The following TBC1D4 variants were observed in gnomAD, a reference collection of about 807,000 sequenced individuals.
The protein encoded by TBC1D4 is TBC1 domain family member 4, also known as TBC (Tre-2, BUB2, CDC16) domain-containing protein.
In TBC1D4, 121 loss-of-function variants were observed where a neutral mutation model predicts 142.5. The ratio of observed to expected loss-of-function variants is 0.85; its 90% CI spans 0.73 to 0.99. TBC1D4 has a LOEUF of 0.99. TBC1D4 is among the 50% of genes least tolerant of loss of function. The probability of loss-of-function intolerance (pLI) is 0.00; values close to 1 mark genes in which losing one functional copy is unlikely to be tolerated. For missense variants in TBC1D4, 1,475 were observed against 1,606.6 expected (o/e 0.92, Z 1.40); for synonymous variants, 630 against 628.2 (o/e 1.00, Z -0.04).
Position 75,284,717 on chromosome 13 carries a change from T to C in TBC1D4, c.*2075A>G, listed in dbSNP as rs1874517317. On this transcript the variant is annotated 3_prime_UTR_variant, in exon 21 of 21. Transcript: ENST00000377636. Reference sequence around the variant, plus strand: ...TATTGCAAAGGAACTAGACATTACATTAACCTGATGAAGATGTAACGATGC... The same window carrying C: ...TATTGCAAAGGAACTAGACATTACACTAACCTGATGAAGATGTAACGATGC... The C allele has an allele frequency of 6.6e-6, 1 of 152,234 alleles. No individual in the cohort carries two copies. The highest frequency in any genetic ancestry group is 1.5e-5 in the Non-Finnish European group (1 of 68,044). 9.4% of individuals were successfully genotyped at this position (152,234 alleles called of 1,614,324 possible). A position where few individuals can be genotyped will look rare whatever the true frequency, so the allele number is the denominator to read the frequency against.
chr13:75,328,977 T>C (rs900487348), intron 8 of TBC1D4, among the ~76,000 whole-genome samples: 5 of 152,176 alleles, frequency 3.3e-5, no homozygotes, highest in Admixed American at 6.6e-5. Context: ...AAATTATTTA[T>C]ATTGATATTT....
At chr13:75,339,227 G>A (rs2138067149) in intron 7 of TBC1D4, among the ~76,000 whole-genome samples, 1 of 152,212 alleles carries the variant, frequency 6.6e-6, no homozygotes, top group Non-Finnish European at 1.5e-5. Flanking sequence ...AAAGATTTGT[G>A]CAATAATTAA....
rs1882950088 is a variant in TBC1D4, at chr13:75,366,980, G to A, written c.499-4373C>T. ...AGAGCAATGATTTTGCCAAACTGGT[G>A]TAGTCCTCAGTATTAGCTCTAAGTT... On this transcript the variant is annotated intron_variant, in intron 1 of 20. Coordinates refer to ENST00000377636, the MANE Select transcript of TBC1D4 (RefSeq NM_014832.5). The A allele has an allele frequency of 6.1e-6, 6 of 985,404 alleles. No homozygotes were observed. The South Asian group carries it at 2.3e-4, about 39-fold the overall frequency. The allele number at this position is 985,404 out of a possible 1,614,324, so 61.0% of individuals were successfully genotyped here.
chr13:75,383,766 G>A (rs958821766), intron 1 of TBC1D4, among the ~76,000 whole-genome samples: 5 of 152,128 alleles, frequency 3.3e-5, no homozygotes, highest in African/African-American at 1.2e-4. Flanking sequence ...AGGCATCCAT[G>A]AGGGGTCTTG....
intron 3 of TBC1D4, among the ~76,000 whole-genome samples, chr13:75,357,084 G>A (rs928929559): frequency 2.0e-5 from 3 of 152,096 alleles, no homozygotes; most frequent in Non-Finnish European, 1.5e-5. Context: ...GTGATATTGC[G>A]CTGGGTTGCT....
intron 10 of TBC1D4, among the ~76,000 whole-genome samples, chr13:75,325,453 C>T (rs548256140): frequency 5.9e-5 from 9 of 151,670 alleles, no homozygotes; most frequent in East Asian, 1.9e-4. Context: ...TTACTTAACC[C>T]TATTTTCCGT....
At chr13:75,317,100 C>G (rs1338882581) in intron 12 of TBC1D4, among the ~76,000 whole-genome samples, 3 of 152,090 alleles carry the variant, frequency 2.0e-5, no homozygotes, top group African/African-American at 7.2e-5. Flanking sequence ...GTAACTTGCC[C>G]ACAGTCACAC....
At chr13:75,321,829 A>C (rs546016885) in intron 11 of TBC1D4, among the ~76,000 whole-genome samples, 1 of 152,266 alleles carries the variant, frequency 6.6e-6, no homozygotes, top group Non-Finnish European at 1.5e-5. Flanking sequence ...AAATTGAGAT[A>C]TATTAAATGG....
chr13:75,424,147 C>G (rs146356582), intron 1 of TBC1D4, among the ~76,000 whole-genome samples: 6 of 151,930 alleles, frequency 3.9e-5, no homozygotes, highest in Non-Finnish European at 8.8e-5. Context: ...ATGGTGTATG[C>G]TGGTAGTCCC....
Position 75,340,989 on chromosome 13 carries a change from G to T in TBC1D4, c.1611+136C>A, listed in dbSNP as rs1880640848. On this transcript the variant is annotated intron_variant, in intron 7 of 20. Coordinates refer to ENST00000377636, the MANE Select transcript of TBC1D4 (RefSeq NM_014832.5). Reference sequence around the variant, plus strand: ...AAACCTATAAAACTATTAAAATGCTGGGCGGGGGAGTGAGGGGGTAGTTCA... The same window carrying T: ...AAACCTATAAAACTATTAAAATGCTTGGCGGGGGAGTGAGGGGGTAGTTCA... 1.6e-5 allele frequency: 12 copies of T among 750,292 alleles called. 1 individual carries two copies. In the South Asian group the frequency reaches 1.8e-4, roughly 11 times the overall value. The allele number at this position is 750,292 out of a possible 1,614,324, so 46.5% of individuals were successfully genotyped here.
At chr13:75,473,477 A>G (rs1368476368) in intron 1 of TBC1D4, among the ~76,000 whole-genome samples, 1 of 152,244 alleles carries the variant, frequency 6.6e-6, no homozygotes, top group Non-Finnish European at 1.5e-5. Context: ...TGTAATATTG[A>G]TAGCACAAAG....
chr13:75,453,904 A>G (rs1887628570), intron 1 of TBC1D4, among the ~76,000 whole-genome samples: 1 of 152,174 alleles, frequency 6.6e-6, no homozygotes, highest in African/African-American at 2.4e-5. Context: ...CGAAAAAGAA[A>G]AATCATATGT....
chr13:75,387,987 T>C (rs1372650113), intron 1 of TBC1D4, among the ~76,000 whole-genome samples: 1 of 152,188 alleles, frequency 6.6e-6, no homozygotes, highest in East Asian at 1.9e-4. Flanking sequence ...GGAGAATTCA[T>C]TTCTTTATGG....
chr13:75,340,668 C>T (rs998571783), intron 7 of TBC1D4, among the ~76,000 whole-genome samples: 13 of 152,126 alleles, frequency 8.5e-5, no homozygotes, highest in African/African-American at 2.4e-4. Context: ...ATAAAATGGC[C>T]GGGTGCAGTG....
chr13:75,365,091 T>C (rs554566406), intron 1 of TBC1D4, among the ~76,000 whole-genome samples: 2 of 152,224 alleles, frequency 1.3e-5, no homozygotes, highest in African/African-American at 2.4e-5. Context: ...TCCCTGTGAC[T>C]ACAGGTAAAA....
chr13:75,289,999 T>C (rs1038970531), intron 19 of TBC1D4, among the ~76,000 whole-genome samples: 4 of 152,182 alleles, frequency 2.6e-5, no homozygotes, highest in African/African-American at 9.6e-5. Flanking sequence ...TATCCTCAAA[T>C]AACCATCATC....
chr13:75,365,706 T>A (rs1882870407), intron 1 of TBC1D4, among the ~76,000 whole-genome samples: 1 of 152,216 alleles, frequency 6.6e-6, no homozygotes, highest in South Asian at 2.1e-4. Flanking sequence ...CTTTTCAATA[T>A]CTCTTTCTCC....
chr13:75,409,048 C>CACAT (rs1885474854), intron 1 of TBC1D4, among the ~76,000 whole-genome samples: 2 of 151,644 alleles, frequency 1.3e-5, no homozygotes, highest in African/African-American at 4.8e-5. Flanking sequence ...CACGCACACA[C>CACAT]ACACACACAC....
In TBC1D4 at chr13:75,399,742, C is replaced by T. The variant is rs1216958479; in HGVS notation, c.499-37135G>A. Among the ~76,000 whole-genome samples the T allele has an allele frequency of 2.6e-5, 4 of 152,310 alleles. No individual in the cohort carries two copies. The East Asian group carries it at 7.7e-4, about 29-fold the overall frequency. On this transcript the variant is annotated intron_variant, in intron 1 of 20. Transcript: ENST00000377636. ...TTCTTTGATGGGAGCTATTTCCCTTCTTCTTGAATGCAATCTGGCCCTGTG... is the reference window on the plus strand; with the variant it reads ...TTCTTTGATGGGAGCTATTTCCCTTTTTCTTGAATGCAATCTGGCCCTGTG...
Sources: gnomAD v4.1 joint callset for allele counts (sites outside exome capture counted in the v4.1 genomes callset) on GRCh38, gnomAD v4.1.1 for gene constraint, MANE v1.5 for transcripts, NCBI Gene and HGNC (gene_info 2026-07-23, HGNC 2026-07-21) for gene names.